The following FAM149A variants were observed in gnomAD, a reference collection of about 807,000 sequenced individuals.
FAM149A encodes protein FAM149A.
FAM149A carries 71 observed loss-of-function variants against 78.2 expected under a neutral mutation model. That is an observed-to-expected ratio of 0.91 (90% CI 0.75 to 1.11). The LOEUF (loss-of-function observed/expected upper bound fraction) is 1.11, where lower values mean the gene tolerates loss of function less well. FAM149A is among the 50% of genes least tolerant of loss of function. The pLI is 0.00. For missense variants in FAM149A, 1,036 were observed against 971.0 expected, an observed-to-expected ratio of 1.07 and a Z score of -0.89; for synonymous variants, 446 against 410.5, an observed-to-expected ratio of 1.09 and a Z score of -1.04.
intron 7 of FAM149A, 52 bp downstream of exon 7, chr4:186,156,242 G>T: frequency 6.8e-7 from 1 of 1,480,038 alleles, no homozygotes; most frequent in Non-Finnish European, 9.2e-7. Flanking sequence ...CCTGTTCTTC[G>T]GCCCTGGGCT....
intron 1 of FAM149A, chr4:186,109,505 C>T (rs902759323): frequency 6.1e-6 from 6 of 985,346 alleles, no homozygotes; most frequent in Non-Finnish European, 6.0e-6. Context: ...AGGTGGATTC[C>T]ACCTCAAACC....
intron 1 of FAM149A, chr4:186,132,122 A>G: frequency 1.0e-6 from 1 of 985,450 alleles, no homozygotes; most frequent in Non-Finnish European, 1.2e-6. Context: ...TGGTGATGCT[A>G]ATCATTTGAC....
At position 186,105,292 on chromosome 4, in the gene FAM149A, G is replaced by A; in HGVS notation, c.216G>A (p.Pro72=). The A allele has an allele frequency of 6.7e-6, 8 of 1,190,272 alleles. No homozygotes were observed. The highest frequency in any genetic ancestry group is 8.2e-5 in the East Asian group (1 of 12,132). The allele number at this position is 1,190,272 out of a possible 1,614,324, so 73.7% of individuals were successfully genotyped here. ...CCGCCTCGCGGCGGTCGCCCGCCCC[G>A]CTGCTCTCCTCCCCCTACTCCCGGG... The change falls in exon 1 of 14, where the codon CCG becomes CCA. Residue 72 remains proline, a synonymous_variant. Coordinates refer to ENST00000389354, the MANE Select transcript of FAM149A (RefSeq NM_001367768.3).
intron 1 of FAM149A, chr4:186,123,485 A>G (rs2099316944): frequency 1.7e-6 from 1 of 589,676 alleles, no homozygotes; most frequent in South Asian, 7.4e-5. Flanking sequence ...AATAAGGGCC[A>G]TTTTCCAGGG....
chr4:186,123,278 TGTTA>T (rs1202607627), intron 1 of FAM149A: 3 of 985,182 alleles, frequency 3.0e-6, no homozygotes, highest in Non-Finnish European at 3.6e-6. Context: ...AAAGTATGGT[TGTTA>T]GTTTATGTAG....
At position 186,105,496 on chromosome 4, in the gene FAM149A, C is replaced by A; in HGVS notation, c.420C>A (p.Leu140=). Residue 140 remains leucine, a synonymous_variant, in exon 1 of 14, where the codon CTC becomes CTA. Coordinates refer to ENST00000389354, the MANE Select transcript of FAM149A (RefSeq NM_001367768.3). The stretch of plus-strand genomic sequence containing the variant: ...GCCCCGGCGGGGTCTGGGCCGCGCT[C>A]CCCAGGAACCCGCTCCAGCCTGGCC... The A allele has an allele frequency of 8.4e-7, 1 of 1,186,474 alleles. No individual in the cohort carries two copies. Among genetic ancestry groups the A allele is most frequent in the Non-Finnish European group, 1.1e-6 (1 of 947,052 alleles). 73.5% of individuals were successfully genotyped at this position (1,186,474 alleles called of 1,614,324 possible). A position where few individuals can be genotyped will look rare whatever the true frequency, so the allele number is the denominator to read the frequency against.
At position 186,144,614 on chromosome 4, in the gene FAM149A, A is replaced by C; in HGVS notation, c.567-4559A>C. The C allele has an allele frequency of 6.2e-6, 1 of 162,574 alleles. No individual in the cohort carries two copies. The highest frequency in any genetic ancestry group is 1.3e-5 in the Non-Finnish European group (1 of 77,270). The allele number at this position is 162,574 out of a possible 1,614,324, so 10.1% of individuals were successfully genotyped here. A position where few individuals can be genotyped will look rare whatever the true frequency, so the allele number is the denominator to read the frequency against. On this transcript the variant is annotated intron_variant, in intron 1 of 13. Transcript: ENST00000389354. This position sits in a 1 kb window ranked among gnomAD's most constrained non-coding sequence, Gnocchi z 4.2. ...CAGTATGCACAGCCCCCGGCCCCAGAGACCCGGGAAGGAGTAGGGAGGCCG... is the reference window on the plus strand; with the variant it reads ...CAGTATGCACAGCCCCCGGCCCCAGCGACCCGGGAAGGAGTAGGGAGGCCG...
Position 186,140,430 on chromosome 4 carries a change from AAC to A in FAM149A, c.567-8738_567-8737del, listed in dbSNP as rs199996508. 5.2e-3 allele frequency among the ~76,000 whole-genome samples: 756 copies of A among 145,538 alleles called. 7 individuals carry two copies. Among genetic ancestry groups the A allele is most frequent in the African/African-American group, 0.018 (712 of 39,728 alleles). On this transcript the variant is annotated intron_variant, in intron 1 of 13. Transcript: ENST00000389354. ...TTAGCTGTGACTACAGATCCATGTG[AAC>A]ACACCTAGCTTTTTTTTTTTTTTTT... is the stretch of plus-strand genomic sequence containing the variant.
In FAM149A at chr4:186,144,813, G is replaced by A; in HGVS notation, c.567-4360G>A. On this transcript the variant is annotated intron_variant, in intron 1 of 13. Transcript: ENST00000389354. The surrounding 1 kb of genome is among the most constrained non-coding windows in gnomAD (Gnocchi z 4.2). ...GGCGAGGGCGCAGCGCAGGGAGGAG[G>A]AGGGGAGGCGGCGCCGGCGCGGGCG... The A allele has an allele frequency of 1.0e-6, 1 of 983,568 alleles. No homozygotes were observed. Among genetic ancestry groups the A allele is most frequent in the Non-Finnish European group, 1.2e-6 (1 of 828,790 alleles). The allele number at this position is 983,568 out of a possible 1,614,324, so 60.9% of individuals were successfully genotyped here.
chr4:186,139,504 C>T (rs1368320544), intron 1 of FAM149A, among the ~76,000 whole-genome samples: 2 of 152,164 alleles, frequency 1.3e-5, no homozygotes, highest in Non-Finnish European at 2.9e-5. Context: ...CATGTGAAGA[C>T]ACAGCTGGAA....
chr4:186,174,937 C>T lies in FAM149A; in HGVS notation c.*2950C>T, dbSNP rs1256735494. Among the ~76,000 whole-genome samples, 1 of 111,088 alleles carries T rather than the reference C, an allele frequency of 9.0e-6. No individual in the cohort carries two copies. The highest frequency in any genetic ancestry group is 2.8e-5 in the African/African-American group (1 of 35,684). 72.9% of individuals were successfully genotyped at this position (111,088 alleles called of 152,430 possible). A position where few individuals can be genotyped will look rare whatever the true frequency, so the allele number is the denominator to read the frequency against. ...TAAAAATTAAAAAAGAAAAATTGAA[C>T]TACTTCTGAGATAGATTTTTAAATT... On this transcript the variant is annotated 3_prime_UTR_variant, in exon 14 of 14. Transcript: ENST00000389354.
At chr4:186,146,701 AT>A (rs1270608509) in intron 1 of FAM149A, 1 of 833,776 alleles carries the variant, frequency 1.2e-6, no homozygotes, top group Non-Finnish European at 1.4e-6. Flanking sequence ...GGTGAAAACC[AT>A]TTGGGGGAAT....
intron 6 of FAM149A, among the ~76,000 whole-genome samples, 192 bp from the exon 7 acceptor site, chr4:186,155,808 C>G (rs12507466): frequency 0.047 from 7,069 of 151,730 alleles, 203 homozygotes; most frequent in Middle Eastern, 0.075. Flanking sequence ...ATCAATGAAA[C>G]CAGGAGTTGG....
At chr4:186,153,865 C>T (rs977140198) in intron 5 of FAM149A, 95 bp downstream of exon 5, 38 of 1,410,402 alleles carry the variant, frequency 2.7e-5, no homozygotes, top group Non-Finnish European at 3.6e-5. Context: ...TGGCTCCACC[C>T]ATTTTGGAAA....
intron 8 of FAM149A, chr4:186,160,655 C>CTACACACCCCACACA (rs1381148071): frequency 1.9e-5 from 5 of 269,030 alleles, no homozygotes; most frequent in African/African-American, 1.2e-4. Flanking sequence ...CACCCCACAC[C>CTACACACCCCACACA]TACACACCCC....
At chr4:186,150,678 C>T (rs1414366852) in intron 3 of FAM149A, among the ~76,000 whole-genome samples, 3 of 148,570 alleles carry the variant, frequency 2.0e-5, no homozygotes, top group Non-Finnish European at 4.5e-5. Flanking sequence ...CTCGGCCTCC[C>T]AAAGTGCTGG....
rs182313777 is a variant in FAM149A, at chr4:186,108,784, C to T, written c.566+3142C>T. 2.3e-3 allele frequency among the ~76,000 whole-genome samples: 351 copies of T among 152,122 alleles called. 1 individual carries two copies. Among genetic ancestry groups the T allele is most frequent in the African/African-American group, 8.0e-3 (334 of 41,516 alleles). On this transcript the variant is annotated intron_variant, in intron 1 of 13. Transcript: ENST00000389354. ...CAGTCTCACTCATCCCTCTTCATTACCTCTTTTCATACTTCTGGTTTGAAC... is the reference window on the plus strand; with the variant it reads ...CAGTCTCACTCATCCCTCTTCATTATCTCTTTTCATACTTCTGGTTTGAAC...
chr4:186,117,767 G>A lies in FAM149A; in HGVS notation c.566+12125G>A, dbSNP rs115080384. On this transcript the variant is annotated intron_variant, in intron 1 of 13. Transcript: ENST00000389354. ...GCAGGCTGCACTTTAGGAGGGTTGA[G>A]CTAATGTGCAGGGAGCTAGTAGGAA... is the stretch of plus-strand genomic sequence containing the variant. The A allele has an allele frequency of 1.5e-5, 12 of 810,046 alleles. No individual in the cohort carries two copies. The African/African-American group carries it at 2.0e-4, about 14-fold the overall frequency. The allele number at this position is 810,046 out of a possible 1,614,324, so 50.2% of individuals were successfully genotyped here.
At chr4:186,125,282 G>A (rs2099317825) in intron 1 of FAM149A, 1 of 985,196 alleles carries the variant, frequency 1.0e-6, no homozygotes, top group Non-Finnish European at 1.2e-6. Context: ...TGTGATATGT[G>A]CCAGCCACCT....
Sources: allele counts gnomAD v4.1 joint callset (sites outside exome capture counted in the v4.1 genomes callset), GRCh38; gene constraint gnomAD v4.1.1; non-coding constraint Gnocchi (gnomAD v3.1); transcripts MANE v1.5; gene names NCBI Gene and HGNC (gene_info 2026-07-23, HGNC 2026-07-21).